FBXL13: variants seen among roughly 807,000 people sequenced by gnomAD.
FBXL13 encodes F-box and leucine-rich repeat protein 13.
FBXL13 carries 67 observed loss-of-function variants against 83.6 expected under a neutral mutation model. The ratio of observed to expected loss-of-function variants is 0.80; its 90% CI spans 0.66 to 0.98. The LOEUF (loss-of-function observed/expected upper bound fraction) is 0.98, where lower values mean the gene tolerates loss of function less well. Ranked by LOEUF, FBXL13 falls within the 50% of genes least tolerant of loss-of-function variation. The pLI is 0.00. For missense variants in FBXL13, 822 were observed against 866.5 expected, an observed-to-expected ratio of 0.95 and a Z score of 0.64; for synonymous variants, 272 against 299.5, an observed-to-expected ratio of 0.91 and a Z score of 0.95.
chr7:103,007,645 G>C (rs1244560795), intron 6 of FBXL13, among the ~76,000 whole-genome samples: 1 of 152,104 alleles, frequency 6.6e-6, no homozygotes, highest in African/African-American at 2.4e-5. Flanking sequence ...CACAAAAAAT[G>C]AACAATTTGT....
chr7:103,060,064 A>ATATATG (rs71110809), intron 1 of FBXL13, among the ~76,000 whole-genome samples: 1 of 81,924 alleles, frequency 1.2e-5, no homozygotes, highest in Non-Finnish European at 2.5e-5. Context: ...ATATATATAT[A>ATATATG]CTTTTTTTTT....
chr7:102,825,340 TAAG>T (rs905604059), intron 18 of FBXL13, among the ~76,000 whole-genome samples: 9 of 152,278 alleles, frequency 5.9e-5, no homozygotes, highest in Middle Eastern at 6.8e-3. Context: ...GGTGGCTTTA[TAAG>T]AAGAAGAAAG....
At chr7:102,989,958 A>G (rs1829390184) in intron 6 of FBXL13, among the ~76,000 whole-genome samples, 1 of 152,212 alleles carries the variant, frequency 6.6e-6, no homozygotes, top group Non-Finnish European at 1.5e-5. Context: ...TGACATTTCA[A>G]ATTCACTGAA....
rs561459121 is a variant in FBXL13 at position 103,041,258 on chromosome 7, C to T, written c.1-11840G>A. Among the ~76,000 whole-genome samples the T allele has an allele frequency of 2.0e-5, 3 of 152,252 alleles. No homozygotes were observed. The East Asian group carries it at 5.8e-4, about 29-fold the overall frequency. On this transcript the variant is annotated intron_variant, in intron 2 of 19. Transcript: ENST00000313221. ...GGACAAATTCCTGGACACATACACC[C>T]TCCCAAGACTAAATCAGGAAGAAGT...
chr7:103,038,567 G>A (rs1313383469), intron 2 of FBXL13, among the ~76,000 whole-genome samples: 1 of 152,208 alleles, frequency 6.6e-6, no homozygotes, highest in Non-Finnish European at 1.5e-5. Flanking sequence ...AGTAGGGGCT[G>A]ATAGACACCT....
At chr7:102,919,732 G>T (rs959017588) in intron 10 of FBXL13, among the ~76,000 whole-genome samples, 1 of 152,118 alleles carries the variant, frequency 6.6e-6, no homozygotes, top group African/African-American at 2.4e-5. Flanking sequence ...TATACATGAA[G>T]AGAAGTTTCT....
chr7:102,859,582 AGGAAGAGTGGAGTG>A (rs555408788), intron 16 of FBXL13, among the ~76,000 whole-genome samples: 105 of 152,240 alleles, frequency 6.9e-4, no homozygotes, highest in African/African-American at 1.1e-3. Flanking sequence ...TGGGAGGGAC[AGGAAGAGTGGAGTG>A]GGAAGAGTGG....
intron 6 of FBXL13, among the ~76,000 whole-genome samples, chr7:102,981,246 C>A (rs905065473): frequency 6.6e-6 from 1 of 152,114 alleles, no homozygotes; most frequent in African/African-American, 2.4e-5. Context: ...AGAGAAAGAA[C>A]AAATGACTTG....
At chr7:102,977,364 G>A (rs546129766) in intron 6 of FBXL13, among the ~76,000 whole-genome samples, 34 of 152,300 alleles carry the variant, frequency 2.2e-4, no homozygotes, top group African/African-American at 7.0e-4. Flanking sequence ...AGAAGAGGGT[G>A]GAGTCTGTGG....
intron 6 of FBXL13, among the ~76,000 whole-genome samples, chr7:103,021,153 G>A (rs928239653): frequency 2.0e-5 from 3 of 152,136 alleles, no homozygotes; most frequent in Non-Finnish European, 4.4e-5. Flanking sequence ...CAATGGAACA[G>A]AACAGAGCCC....
chr7:103,049,650 C>T (rs995226212), intron 2 of FBXL13, among the ~76,000 whole-genome samples: 1 of 152,170 alleles, frequency 6.6e-6, no homozygotes, highest in Non-Finnish European at 1.5e-5. Context: ...TCTCTGGTGC[C>T]TCCTGTTTTT....
intron 10 of FBXL13, among the ~76,000 whole-genome samples, chr7:102,915,448 C>T (rs1815644933): frequency 6.6e-6 from 1 of 151,868 alleles, no homozygotes; most frequent in South Asian, 2.1e-4. Flanking sequence ...AAGAGTGGTG[C>T]ATACAATAAT....
chr7:103,055,852 TTTAA>T (rs1344539220), intron 1 of FBXL13, 105 bp from the exon 2 acceptor site: 2 of 468,254 alleles, frequency 4.3e-6, no homozygotes, highest in African/African-American at 2.1e-5. Context: ...TTTTTTGGTT[TTTAA>T]TTATTTATTT....
intron 6 of FBXL13, among the ~76,000 whole-genome samples, chr7:103,019,351 A>T (rs1423556131): frequency 6.6e-6 from 1 of 152,234 alleles, no homozygotes; most frequent in Non-Finnish European, 1.5e-5. Flanking sequence ...TATAGCACTA[A>T]ATGCCCACAA....
At chr7:102,932,671 T>C (rs1162099006) in intron 8 of FBXL13, among the ~76,000 whole-genome samples, 3 of 106,246 alleles carry the variant, frequency 2.8e-5, no homozygotes, top group South Asian at 6.4e-4. Flanking sequence ...GTTGGCTCAC[T>C]GCAGCCTCAA....
intron 6 of FBXL13, among the ~76,000 whole-genome samples, chr7:103,010,833 G>T (rs1454375074): frequency 6.6e-6 from 1 of 152,168 alleles, no homozygotes; most frequent in African/African-American, 2.4e-5. Flanking sequence ...CAAGGATATG[G>T]CTTATATGCC....
intron 6 of FBXL13, among the ~76,000 whole-genome samples, chr7:103,013,351 T>C (rs1202626550): frequency 6.6e-6 from 1 of 152,152 alleles, no homozygotes; most frequent in Non-Finnish European, 1.5e-5. Flanking sequence ...CATCTGCACA[T>C]GGCCCATACT....
intron 8 of FBXL13, among the ~76,000 whole-genome samples, chr7:102,960,270 C>T (rs970093628): frequency 2.6e-4 from 40 of 151,960 alleles, no homozygotes; most frequent in Admixed American, 2.0e-4. Context: ...TACACTCTCC[C>T]AAGACTAAAC....
At chr7:102,929,398 A>G (rs564697800) in intron 9 of FBXL13, among the ~76,000 whole-genome samples, 1 of 152,296 alleles carries the variant, frequency 6.6e-6, no homozygotes, top group Admixed American at 6.5e-5. Flanking sequence ...GCGGTGTCTC[A>G]CGCCTGTAAT....
Sources: gnomAD v4.1 joint callset for allele counts (sites outside exome capture counted in the v4.1 genomes callset) on GRCh38, gnomAD v4.1.1 for gene constraint, MANE v1.5 for transcripts, NCBI Gene and HGNC (gene_info 2026-07-23, HGNC 2026-07-21) for gene names.